The following EHBP1 variants were observed in gnomAD, a reference collection of about 807,000 sequenced individuals.
EHBP1 encodes EH domain-binding protein 1.
EHBP1 carries 55 observed loss-of-function variants against 144.0 expected under a neutral mutation model. That is an observed-to-expected ratio of 0.38 (90% CI 0.31 to 0.48). The LOEUF is 0.48. Ranked by LOEUF, EHBP1 falls within the 20% of genes least tolerant of loss-of-function variation. The pLI, the probability that EHBP1 is intolerant of heterozygous loss-of-function variation, is 0.98. For synonymous variants in EHBP1, 469 were observed against 472.7 expected (o/e 0.99, Z 0.10); for missense variants, 1,200 against 1,364.2 (o/e 0.88, Z 1.90).
intron 14 of EHBP1, among the ~76,000 whole-genome samples, chr2:62,959,742 G>A (rs935366848): frequency 6.6e-6 from 1 of 152,042 alleles, no homozygotes; most frequent in Admixed American, 6.6e-5. Flanking sequence ...AGTTTGTTTT[G>A]GTGAGGGGTG....
At chr2:62,724,028 G>A (rs1175686996) in intron 2 of EHBP1, among the ~76,000 whole-genome samples, 2 of 152,280 alleles carry the variant, frequency 1.3e-5, no homozygotes, top group Middle Eastern at 3.4e-3. Context: ...CTCTAGCTAG[G>A]TTGGGGAAGT....
At chr2:62,897,002 C>T (rs1249062519) in intron 10 of EHBP1, among the ~76,000 whole-genome samples, 1 of 152,170 alleles carries the variant, frequency 6.6e-6, no homozygotes, top group Admixed American at 6.5e-5. Flanking sequence ...GTTCAAAAAT[C>T]AAAATAACAT....
chr2:62,911,853 G>A (rs2054242455), intron 10 of EHBP1, among the ~76,000 whole-genome samples: 1 of 152,116 alleles, frequency 6.6e-6, no homozygotes, highest in African/African-American at 2.4e-5. Flanking sequence ...GGATAGATTT[G>A]TCTGTGTAAT....
intron 1 of EHBP1, chr2:62,706,545 T>A (rs563794758): frequency 1.3e-5 from 2 of 152,404 alleles, no homozygotes; most frequent in African/African-American, 4.8e-5. Flanking sequence ...CACTTCTCCC[T>A]CTTTCTGGCG....
Position 62,784,400 on chromosome 2 carries a change from C to T in EHBP1, c.312+13008C>T, listed in dbSNP as rs75385797. The stretch of plus-strand genomic sequence containing the variant: ...TGTGATATTGGTTATACATTTACTT[C>T]CTAACATTGGGGATATGAATAAGAC... On this transcript the variant is annotated intron_variant, in intron 5 of 22. Transcript: ENST00000431489. Among the ~76,000 whole-genome samples the T allele has an allele frequency of 9.2e-5, 14 of 152,228 alleles. No homozygotes were observed. The East Asian group carries it at 2.7e-3, about 29-fold the overall frequency.
At chr2:62,729,313 T>C (rs1381670740) in intron 2 of EHBP1, among the ~76,000 whole-genome samples, 2 of 129,478 alleles carry the variant, frequency 1.5e-5, no homozygotes, top group Non-Finnish European at 3.1e-5. Flanking sequence ...TAATATAATA[T>C]AATATTTATA....
intron 1 of EHBP1, among the ~76,000 whole-genome samples, chr2:62,696,607 G>A (rs1449770958): frequency 2.8e-5 from 4 of 141,090 alleles, no homozygotes; most frequent in African/African-American, 5.2e-5. Context: ...TCCACCTCCC[G>A]GGTTCATGCC....
At chr2:62,839,873 T>C (rs2152709313) in intron 7 of EHBP1, among the ~76,000 whole-genome samples, 1 of 151,528 alleles carries the variant, frequency 6.6e-6, no homozygotes, top group South Asian at 2.1e-4. Context: ...TCCATGCTCA[T>C]GGGTAGGAAG....
intron 2 of EHBP1, among the ~76,000 whole-genome samples, chr2:62,724,928 T>C (rs1442977404): frequency 6.6e-6 from 1 of 152,226 alleles, no homozygotes; most frequent in African/African-American, 2.4e-5. Context: ...TCAACTTGTG[T>C]AGAAAAATTG....
chr2:62,984,643 C>T (rs914890177), intron 15 of EHBP1, among the ~76,000 whole-genome samples: 6 of 152,120 alleles, frequency 3.9e-5, no homozygotes, highest in South Asian at 2.1e-4. Flanking sequence ...CAGAAGAATT[C>T]GAAGTTGATT....
chr2:62,782,448 T>G (rs904821941), intron 5 of EHBP1, among the ~76,000 whole-genome samples: 3 of 152,164 alleles, frequency 2.0e-5, no homozygotes, highest in Non-Finnish European at 4.4e-5. Flanking sequence ...TAGTAGTAGT[T>G]GTATTGGTTT....
intron 6 of EHBP1, among the ~76,000 whole-genome samples, chr2:62,830,449 A>G (rs2046749106): frequency 6.6e-6 from 1 of 152,038 alleles, no homozygotes; most frequent in South Asian, 2.1e-4. Flanking sequence ...TCTTCTTTTA[A>G]GAATTGTCTA....
intron 1 of EHBP1, among the ~76,000 whole-genome samples, chr2:62,675,841 C>T (rs2033268291): frequency 6.6e-6 from 1 of 152,016 alleles, no homozygotes; most frequent in African/African-American, 2.4e-5. Context: ...CAGCCTCCAC[C>T]TCCTGGCCTC....
At chr2:62,690,484 A>C (rs970553320) in intron 1 of EHBP1, among the ~76,000 whole-genome samples, 1 of 151,906 alleles carries the variant, frequency 6.6e-6, no homozygotes, top group Non-Finnish European at 1.5e-5. Context: ...AATTGCTTGA[A>C]CCCAGGAGGT....
chr2:62,707,480 G>A (rs2034708900), intron 2 of EHBP1, among the ~76,000 whole-genome samples, 185 bp downstream of exon 2: 1 of 151,870 alleles, frequency 6.6e-6, no homozygotes, highest in Non-Finnish European at 1.5e-5. Context: ...CATCCCTGTG[G>A]ATTTTAATTA....
chr2:62,755,825 G>A (rs1439397796), intron 3 of EHBP1, among the ~76,000 whole-genome samples: 1 of 151,892 alleles, frequency 6.6e-6, no homozygotes, highest in Non-Finnish European at 1.5e-5. Context: ...TTTAGAAATA[G>A]CCTCTAAATG....
At chr2:62,689,480 TA>T (rs916123638) in intron 1 of EHBP1, among the ~76,000 whole-genome samples, 1 of 152,110 alleles carries the variant, frequency 6.6e-6, no homozygotes, top group Non-Finnish European at 1.5e-5. Flanking sequence ...CTGTCTCTAC[TA>T]AAATTACAAA....
intron 9 of EHBP1, chr2:62,872,246 A>G (rs1435081604): frequency 6.6e-6 from 1 of 152,070 alleles, no homozygotes; most frequent in African/African-American, 2.4e-5. Context: ...ATTTAAAATT[A>G]TTCTGTCCAA....
At chr2:62,914,740 T>C (rs538216808) in intron 10 of EHBP1, among the ~76,000 whole-genome samples, 5 of 152,172 alleles carry the variant, frequency 3.3e-5, no homozygotes, top group Non-Finnish European at 7.4e-5. Flanking sequence ...CTATATACTT[T>C]AACAGGGTGA....
Sources: gnomAD v4.1 joint callset for allele counts (sites outside exome capture counted in the v4.1 genomes callset) on GRCh38, gnomAD v4.1.1 for gene constraint, MANE v1.5 for transcripts, NCBI Gene and HGNC (gene_info 2026-07-23, HGNC 2026-07-21) for gene names.